Variants in MAN2A1 observed in about 807,000 individuals in gnomAD.
MAN2A1 encodes alpha-mannosidase 2.
In MAN2A1, 76 loss-of-function variants were observed where a neutral mutation model predicts 142.6. The ratio of observed to expected loss-of-function variants is 0.53; its 90% CI spans 0.44 to 0.65. The LOEUF (loss-of-function observed/expected upper bound fraction) is 0.65, where lower values mean the gene tolerates loss of function less well. Among genes scored for constraint, MAN2A1 ranks in the 30% least tolerant of loss-of-function variants. The pLI is 0.00. For missense variants in MAN2A1, 1,311 were observed against 1,365.1 expected, an observed-to-expected ratio of 0.96 and a Z score of 0.62; for synonymous variants, 559 against 473.2, an observed-to-expected ratio of 1.18 and a Z score of -2.35.
chr5:109,696,444 C>T (rs1453935588), intron 1 of MAN2A1, among the ~76,000 whole-genome samples: 1 of 152,232 alleles, frequency 6.6e-6, no homozygotes, highest in African/African-American at 2.4e-5. Flanking sequence ...ATCTAACATA[C>T]TGTTTTCTAA....
chr5:109,843,705 G>A (rs1445314340), intron 17 of MAN2A1, among the ~76,000 whole-genome samples: 1 of 151,916 alleles, frequency 6.6e-6, no homozygotes, highest in East Asian at 1.9e-4. Flanking sequence ...GTTTCAAATT[G>A]TAGTAAGGAA....
chr5:109,713,710 T>A lies in MAN2A1; in HGVS notation c.326T>A (p.Leu109His), dbSNP rs759775124. 6.2e-7 allele frequency: 1 copy of A among 1,614,100 alleles called. No homozygotes were observed. The highest frequency in any genetic ancestry group is 1.1e-5 in the South Asian group (1 of 91,078). The change falls in exon 2 of 22, where the codon CTC becomes CAC. Residue 109 changes from leucine (L) to histidine (H), a missense_variant. Physicochemically the swap from Leu to His is moderately conservative, Grantham distance 99. Around this residue, in one of 3 missense-constraint regions of MAN2A1, gnomAD observed 409 missense variants for 412.7 expected, o/e 0.99. Transcript: ENST00000261483. ...GSHLLPSQLS[L>H]SVDTADCLFA... ...CATCTTCTGCCCTCACAATTATCCC[T>A]CTCAGTTGACACTGCAGACTGTCTG...
intron 8 of MAN2A1, among the ~76,000 whole-genome samples, chr5:109,780,654 T>C (rs1272571187): frequency 6.6e-6 from 1 of 152,156 alleles, no homozygotes. Flanking sequence ...AATATCTGTT[T>C]ACAAGATTTG....
intron 1 of MAN2A1, among the ~76,000 whole-genome samples, chr5:109,700,663 A>C (rs1428669404): frequency 6.6e-6 from 1 of 152,188 alleles, no homozygotes; most frequent in African/African-American, 2.4e-5. Flanking sequence ...AAATTCAGGC[A>C]CAGAATTGTA....
chr5:109,786,112 C>T (rs868607931), intron 10 of MAN2A1, among the ~76,000 whole-genome samples: 4 of 151,998 alleles, frequency 2.6e-5, no homozygotes, highest in Admixed American at 2.0e-4. Flanking sequence ...AATATCTTCT[C>T]CATTTTTTAA....
intron 8 of MAN2A1, 108 bp downstream of exon 8, chr5:109,775,073 T>C: frequency 1.5e-6 from 1 of 687,364 alleles, no homozygotes; most frequent in Non-Finnish European, 2.4e-6. Context: ...CAGTGCTTCT[T>C]AGAATATATA....
chr5:109,816,096 T>C (rs974184206), intron 12 of MAN2A1, among the ~76,000 whole-genome samples: 1 of 152,190 alleles, frequency 6.6e-6, no homozygotes, highest in African/African-American at 2.4e-5. Context: ...GGCAAAGCCA[T>C]GAAAGAATGA....
At chr5:109,757,632 T>C (rs1046019249) in intron 5 of MAN2A1, among the ~76,000 whole-genome samples, 1 of 152,178 alleles carries the variant, frequency 6.6e-6, no homozygotes, top group African/African-American at 2.4e-5. Flanking sequence ...CACCACAGTC[T>C]ATTTTTAGAA....
intron 1 of MAN2A1, among the ~76,000 whole-genome samples, chr5:109,709,277 C>T (rs1022750125): frequency 2.6e-5 from 4 of 152,138 alleles, no homozygotes; most frequent in Non-Finnish European, 5.9e-5. Flanking sequence ...ATGGCATTTT[C>T]GTATAGTTTG....
At chr5:109,865,289 A>G (rs1268415574) in intron 21 of MAN2A1, 143 bp downstream of exon 21, 7 of 633,392 alleles carry the variant, frequency 1.1e-5, no homozygotes, top group African/African-American at 1.1e-4. Flanking sequence ...GAATCTCCCC[A>G]TCTGAAAAAT....
chr5:109,800,599 A>G (rs1167616668), intron 12 of MAN2A1, among the ~76,000 whole-genome samples: 2 of 152,242 alleles, frequency 1.3e-5, no homozygotes, highest in Admixed American at 6.5e-5. Flanking sequence ...GAATTGGTCA[A>G]ATATTCTACA....
intron 5 of MAN2A1, among the ~76,000 whole-genome samples, chr5:109,763,026 G>A (rs772086262): frequency 6.6e-6 from 1 of 152,202 alleles, no homozygotes; most frequent in East Asian, 1.9e-4. Flanking sequence ...TCCCTTACAG[G>A]GTTACAACAG....
chr5:109,711,454 C>T (rs112436940), intron 1 of MAN2A1, among the ~76,000 whole-genome samples: 2 of 147,650 alleles, frequency 1.4e-5, no homozygotes, highest in South Asian at 4.3e-4. Context: ...TCAACTGTAC[C>T]TGACTCAAAT....
intron 3 of MAN2A1, among the ~76,000 whole-genome samples, chr5:109,728,440 C>T (rs766617069): frequency 2.6e-5 from 4 of 152,044 alleles, no homozygotes; most frequent in South Asian, 2.1e-4. Flanking sequence ...TAGATGGGAA[C>T]GGGTTATTTT....
At chr5:109,750,547 A>G (rs747521784) in intron 4 of MAN2A1, among the ~76,000 whole-genome samples, 3 of 152,042 alleles carry the variant, frequency 2.0e-5, no homozygotes, top group Non-Finnish European at 2.9e-5. Flanking sequence ...GTTTTGTTCT[A>G]TCTTATAAAA....
chr5:109,752,598 G>C (rs1752576482), intron 4 of MAN2A1, among the ~76,000 whole-genome samples: 1 of 152,092 alleles, frequency 6.6e-6, no homozygotes. Flanking sequence ...AGATAGAATG[G>C]GGGGTACAGT....
chr5:109,700,565 T>C (rs1464357333), intron 1 of MAN2A1, among the ~76,000 whole-genome samples: 2 of 152,200 alleles, frequency 1.3e-5, no homozygotes, highest in Admixed American at 1.3e-4. Flanking sequence ...AGAATCATTT[T>C]CTACATAAAG....
intron 16 of MAN2A1, among the ~76,000 whole-genome samples, chr5:109,834,517 TATA>T (rs2112747261): frequency 6.6e-6 from 1 of 152,322 alleles, no homozygotes; most frequent in Admixed American, 6.5e-5. Flanking sequence ...AGTTTATTGG[TATA>T]ATCTTTACCC....
chr5:109,862,319 A>G (rs1057438216), intron 20 of MAN2A1: 13 of 152,192 alleles, frequency 8.5e-5, no homozygotes, highest in African/African-American at 3.1e-4. Flanking sequence ...TTGCTGGAAG[A>G]GCCTCAGAGG....
Sources: allele counts gnomAD v4.1 joint callset (sites outside exome capture counted in the v4.1 genomes callset), GRCh38; gene constraint gnomAD v4.1.1; regional missense constraint gnomAD v4.1.1; transcripts MANE v1.5; gene names NCBI Gene and HGNC (gene_info 2026-07-23, HGNC 2026-07-21).